The following NTM variants were observed in gnomAD, a reference collection of about 807,000 sequenced individuals.
NTM encodes IgLON family member 2.
A neutral mutation model predicts 42.1 loss-of-function variants in NTM; 13 were observed. The ratio of observed to expected loss-of-function variants is 0.31; its 90% CI spans 0.20 to 0.49. The LOEUF (loss-of-function observed/expected upper bound fraction) is 0.49. Among genes scored for constraint, NTM ranks in the 20% least tolerant of loss-of-function variants. NTM has a pLI of 0.99. For synonymous variants in NTM, 187 were observed against 179.2 expected (o/e 1.04, Z -0.35); for missense variants, 373 against 452.8 (o/e 0.82, Z 1.60).
At chr11:132,325,313 C>G (rs1208171916) in intron 7 of NTM, among the ~76,000 whole-genome samples, 1 of 151,362 alleles carries the variant, frequency 6.6e-6, no homozygotes, top group Non-Finnish European at 1.5e-5. Context: ...TGAACTCAAA[C>G]AAATTTACAA....
At chr11:131,695,503 T>C (rs2075339203) in intron 1 of NTM, among the ~76,000 whole-genome samples, 1 of 152,228 alleles carries the variant, frequency 6.6e-6, no homozygotes, top group African/African-American at 2.4e-5. Context: ...GTTACATGAT[T>C]TTCCAGGAAA....
At chr11:131,789,655 A>AAGAAGAAGAAGG in intron 1 of NTM, among the ~76,000 whole-genome samples, 1 of 138,330 alleles carries the variant, frequency 7.2e-6, no homozygotes, top group African/African-American at 2.8e-5. Flanking sequence ...GAAGAAGAAG[A>AAGAAGAAGAAGG]AGAAGAAGAA....
At chr11:131,405,935 G>A (rs1385692271) in intron 1 of NTM, among the ~76,000 whole-genome samples, 1 of 152,128 alleles carries the variant, frequency 6.6e-6, no homozygotes, top group Non-Finnish European at 1.5e-5. Flanking sequence ...CTCCAGATCT[G>A]CTGCTGCTGG....
intron 1 of NTM, among the ~76,000 whole-genome samples, chr11:131,833,160 C>T (rs1466670064): frequency 4.6e-5 from 7 of 152,288 alleles, no homozygotes; most frequent in South Asian, 2.1e-4. Flanking sequence ...CACCTGTTCA[C>T]GTTTTCCTTA....
intron 1 of NTM, among the ~76,000 whole-genome samples, chr11:131,498,031 C>T (rs1955531489): frequency 6.6e-6 from 1 of 152,214 alleles, no homozygotes; most frequent in South Asian, 2.1e-4. Flanking sequence ...GGAATAAGAC[C>T]TCCTTCCCCT....
chr11:131,787,373 A>ATTATTATTAT (rs1355788427), intron 1 of NTM, among the ~76,000 whole-genome samples: 1 of 147,886 alleles, frequency 6.8e-6, no homozygotes, highest in Non-Finnish European at 1.5e-5. Flanking sequence ...TATTATTATT[A>ATTATTATTAT]TTATTATTTT....
At chr11:131,525,697 G>C (rs2050379335) in intron 1 of NTM, among the ~76,000 whole-genome samples, 1 of 152,142 alleles carries the variant, frequency 6.6e-6, no homozygotes. Context: ...TGAGGTAATG[G>C]GAAGATAATG....
chr11:132,050,601 G>T (rs2078716830), intron 2 of NTM, among the ~76,000 whole-genome samples: 1 of 152,206 alleles, frequency 6.6e-6, no homozygotes, highest in South Asian at 2.1e-4. Flanking sequence ...GTACTTCCAA[G>T]GAGAGGTGCG....
At chr11:131,455,604 A>G (rs1158115928) in intron 1 of NTM, 1 of 152,246 alleles carries the variant, frequency 6.6e-6, no homozygotes, top group Non-Finnish European at 1.5e-5. Flanking sequence ...TCAAAGTCAA[A>G]TAGAGATTTG....
At chr11:131,590,552 G>A (rs967829322) in intron 1 of NTM, among the ~76,000 whole-genome samples, 1 of 152,216 alleles carries the variant, frequency 6.6e-6, no homozygotes, top group East Asian at 1.9e-4. Context: ...TCCCCTGCAC[G>A]ACAAGAGGAC....
At chr11:132,183,837 G>A (rs1040149077) in intron 3 of NTM, among the ~76,000 whole-genome samples, 6 of 151,620 alleles carry the variant, frequency 4.0e-5, no homozygotes, top group African/African-American at 7.3e-5. Context: ...AGGCAGTAGC[G>A]ATTTCTGTTT....
At chr11:131,972,445 A>G (rs1401806064) in intron 2 of NTM, among the ~76,000 whole-genome samples, 4 of 152,170 alleles carry the variant, frequency 2.6e-5, no homozygotes, top group Non-Finnish European at 1.5e-5. Context: ...GGTAATTAAG[A>G]TGAAGTCTAT....
intron 2 of NTM, among the ~76,000 whole-genome samples, chr11:132,104,937 G>GTATGTATATATA (rs1555263301): frequency 1.6e-5 from 1 of 61,826 alleles, no homozygotes; most frequent in African/African-American, 6.1e-5. Context: ...ATATACATAT[G>GTATGTATATATA]TATATATATA....
chr11:131,961,378 CA>C (rs2062148946), intron 2 of NTM, among the ~76,000 whole-genome samples: 1 of 152,180 alleles, frequency 6.6e-6, no homozygotes, highest in Non-Finnish European at 1.5e-5. Flanking sequence ...TTCAATTTTT[CA>C]GAGGCTATTC....
intron 2 of NTM, among the ~76,000 whole-genome samples, chr11:131,923,520 C>A (rs2057515700): frequency 6.6e-6 from 1 of 152,088 alleles, no homozygotes; most frequent in Admixed American, 6.6e-5. Context: ...TGGAATGAGA[C>A]ATTGAGGAGG....
intron 2 of NTM, among the ~76,000 whole-genome samples, chr11:132,141,664 A>G (rs888548519): frequency 2.0e-5 from 3 of 152,230 alleles, no homozygotes; most frequent in Admixed American, 2.0e-4. Flanking sequence ...CTGCTCAAAC[A>G]GTATAGGCCT....
chr11:131,823,100 C>T (rs1255444935), intron 1 of NTM, among the ~76,000 whole-genome samples: 5 of 152,222 alleles, frequency 3.3e-5, no homozygotes, highest in South Asian at 2.1e-4. Context: ...CATAGAAGCA[C>T]GTCTACGTTA....
intron 2 of NTM, among the ~76,000 whole-genome samples, chr11:132,077,587 A>G (rs1476224101): frequency 6.6e-6 from 1 of 152,194 alleles, no homozygotes; most frequent in Non-Finnish European, 1.5e-5. Context: ...AGACTCAGAG[A>G]GACTAAGTGT....
intron 1 of NTM, among the ~76,000 whole-genome samples, chr11:131,694,882 C>A (rs938710838): frequency 1.3e-5 from 2 of 152,174 alleles, no homozygotes; most frequent in Non-Finnish European, 2.9e-5. Context: ...CTGGAACTCG[C>A]AGAGAAACTG....
Sources: gnomAD v4.1 joint callset for allele counts (sites outside exome capture counted in the v4.1 genomes callset) on GRCh38, gnomAD v4.1.1 for gene constraint, MANE v1.5 for transcripts, NCBI Gene and HGNC (gene_info 2026-07-23, HGNC 2026-07-21) for gene names.